The following RAPGEF3 variants were observed in gnomAD, a reference collection of about 807,000 sequenced individuals.
RAPGEF3 encodes the protein Rap guanine nucleotide exchange factor 3.
Under a neutral mutation model 129.8 loss-of-function variants are expected in RAPGEF3, and 103 were observed. The ratio of observed to expected loss-of-function variants is 0.79; its 90% confidence interval spans 0.68 to 0.93. The LOEUF (loss-of-function observed/expected upper bound fraction) is 0.93, where lower values mean the gene tolerates loss of function less well. RAPGEF3 is among the 40% of genes least tolerant of loss of function. The probability of loss-of-function intolerance (pLI) is 0.00; values close to 1 mark genes in which losing one functional copy is unlikely to be tolerated. For synonymous variants in RAPGEF3, 436 were observed against 482.6 expected (o/e 0.90, Z 1.26); for missense variants, 1,117 against 1,207.4 (o/e 0.93, Z 1.11).
chr12:47,751,471 G>A lies in RAPGEF3; in HGVS notation c.430C>T (p.Leu144Phe). The A allele has an allele frequency of 6.2e-7, 1 of 1,614,202 alleles. No individual in the cohort carries two copies. Among genetic ancestry groups the A allele is most frequent in the Non-Finnish European group, 8.5e-7 (1 of 1,180,022 alleles). Residue 144 changes from leucine to phenylalanine, a missense_variant, in exon 5 of 28, where the codon CTT (leucine) becomes TTT (phenylalanine). Physicochemically the swap from Leu to Phe is conservative, Grantham distance 22. Transcript: ENST00000449771. Reference sequence around the variant, plus strand: ...ACTTGGCTCCGGGAATGGACCCCAAGTCCCAGGGCCAAGATCCCATCCACC... The same window carrying A: ...ACTTGGCTCCGGGAATGGACCCCAAATCCCAGGGCCAAGATCCCATCCACC... The part of the protein sequence containing the change: ...ELVDGILALG[L>F]GVHSRSQVVG...
Position 47,751,213 on chromosome 12 carries a change from T to G in RAPGEF3, c.506A>C (p.Lys169Thr). The change falls in exon 6 of 28, where the codon AAA (lysine) becomes ACA (threonine). Residue 169 changes from lysine (K) to threonine (T), a missense_variant. Coordinates refer to ENST00000449771, the MANE Select transcript of RAPGEF3 (RefSeq NM_001098531.4). ...TCGGTCCTGGAAGGCCCAGTCGTGT[T>G]TCACTGGGGGGCAGAGGCCCAGGCG... ...LLDEGALCHV[K>T]HDWAFQDRDA... The G allele has an allele frequency of 1.3e-6, 2 of 1,550,084 alleles. No homozygotes were observed. The highest frequency in any genetic ancestry group is 1.7e-6 in the Non-Finnish European group (2 of 1,146,294).
chr12:47,743,735 G>GA, intron 17 of RAPGEF3, 59 bp from the exon 18 acceptor site: 1 of 1,574,788 alleles, frequency 6.4e-7, no homozygotes, highest in Admixed American at 1.7e-5. Flanking sequence ...CCCCAGGAGG[G>GA]AGAGGGCGGC....
In RAPGEF3 at chr12:47,749,215, T is replaced by C. The variant is rs1416331494; in HGVS notation, c.1041+175A>G. The stretch of plus-strand genomic sequence containing the variant: ...CTCACTGAACTCCTTCTGTGCCTTA[T>C]GGGCTTCACCTTCTCACACACACCC... On this transcript the variant is annotated intron_variant, in intron 10 of 27. Transcript: ENST00000449771. The surrounding 1 kb of genome is among the most constrained non-coding windows in gnomAD (Gnocchi z 4.5). The C allele has an allele frequency of 2.5e-6, 2 of 792,408 alleles. No homozygotes were observed. The highest frequency in any genetic ancestry group is 4.1e-6 in the Non-Finnish European group (2 of 486,538). The allele number at this position is 792,408 out of a possible 1,614,324, so 49.1% of individuals were successfully genotyped here.
intron 15 of RAPGEF3, among the ~76,000 whole-genome samples, chr12:47,747,265 T>G (rs778647294): frequency 1.3e-5 from 2 of 152,134 alleles, no homozygotes; most frequent in Non-Finnish European, 2.9e-5. Flanking sequence ...AAGCTGGCAC[T>G]GAGGGTATTT....
Position 47,751,473 on chromosome 12 carries a change from C to G in RAPGEF3, c.428G>C (p.Gly143Ala). 1 of 1,614,190 alleles carries G rather than the reference C, an allele frequency of 6.2e-7. No individual in the cohort carries two copies. The highest frequency in any genetic ancestry group is 8.5e-7 in the Non-Finnish European group (1 of 1,180,026). The change falls in exon 5 of 28, where the codon GGA becomes GCA. Residue 143 changes from glycine (G) to alanine (A), a missense_variant. Gly to Ala is a moderately conservative substitution (Grantham distance 60). This residue lies in a region of RAPGEF3 where 367 missense variants were observed against 373.4 expected (regional missense o/e 0.98). Transcript: ENST00000449771. ...TTGGCTCCGGGAATGGACCCCAAGT[C>G]CCAGGGCCAAGATCCCATCCACCAG... The part of the protein sequence containing the change: ...RELVDGILAL[G>A]LGVHSRSQVV...
rs1941451420 is a variant in RAPGEF3 at position 47,746,851 on chromosome 12, G to C, written c.1596+9C>G. The C allele has an allele frequency of 2.5e-6, 4 of 1,591,066 alleles. No homozygotes were observed. In the South Asian group the frequency reaches 3.5e-5, roughly 14 times the overall value. On this transcript the variant is annotated intron_variant, in intron 16 of 27. Coordinates refer to ENST00000449771, the MANE Select transcript of RAPGEF3 (RefSeq NM_001098531.4). ...GAGCAGAGGAAAGAAACTGGGGCCAGGCAGACACCTTCATCTGAGGAGATG... is the reference window on the plus strand; with the variant it reads ...GAGCAGAGGAAAGAAACTGGGGCCACGCAGACACCTTCATCTGAGGAGATG...
rs763034905 is a variant in RAPGEF3, at chr12:47,746,815, C to A, written c.1596+45G>T. 1.5e-5 allele frequency: 24 copies of A among 1,556,754 alleles called. 2 individuals are homozygous for A. The South Asian group carries it at 2.6e-4, about 17-fold the overall frequency. On this transcript the variant is annotated intron_variant, in intron 16 of 27. Coordinates refer to ENST00000449771, the MANE Select transcript of RAPGEF3 (RefSeq NM_001098531.4). The stretch of plus-strand genomic sequence containing the variant: ...GGTCAGGGGGCGAAGGAGGGGCCTG[C>A]AGTCCAGGAGGAGCAGAGGAAAGAA...
Position 47,736,283 on chromosome 12 carries a change from G to C in RAPGEF3, c.*1284C>G, listed in dbSNP as rs1940797406. The stretch of plus-strand genomic sequence containing the variant: ...CCTGTGTATCCACATCCATGGGGCT[G>C]AAGTGCAGAGGGGCCATACCAGCTG... On this transcript the variant is annotated 3_prime_UTR_variant, in exon 28 of 28. Transcript: ENST00000449771. The C allele has an allele frequency of 1.3e-5, 2 of 152,296 alleles. No individual in the cohort carries two copies. Among genetic ancestry groups the C allele is most frequent in the Admixed American group, 1.3e-4 (2 of 15,286 alleles). The allele number at this position is 152,296 out of a possible 1,614,324, so 9.4% of individuals were successfully genotyped here.
rs1337691920 is a variant in RAPGEF3 at position 47,746,501 on chromosome 12, A to C, written c.1596+359T>G. 5.0e-6 allele frequency: 3 copies of C among 598,368 alleles called. No individual in the cohort carries two copies. In the Admixed American group the frequency reaches 1.1e-4, roughly 21 times the overall value. 37.1% of individuals were successfully genotyped at this position (598,368 alleles called of 1,614,324 possible). A position where few individuals can be genotyped will look rare whatever the true frequency, so the allele number is the denominator to read the frequency against. ...CAGGGAGGGGCCTCGCCTTCCTCTG[A>C]GCTCCCACAGCACTGGCCACCAGGA... On this transcript the variant is annotated intron_variant, in intron 16 of 27. Coordinates refer to ENST00000449771, the MANE Select transcript of RAPGEF3 (RefSeq NM_001098531.4).
At position 47,740,926 on chromosome 12, in the gene RAPGEF3, T is replaced by G; in HGVS notation, c.2038A>C (p.Ser680Arg). ...LTDHDWSLFN[S>R]IHQVELIHYV... The stretch of plus-strand genomic sequence containing the variant: ...TCTGCCTCCCATACCTGGTGGATAC[T>G]GTTGAAGAGGCTCCAGTCGTGGTCC... Residue 680 changes from serine to arginine, a missense_variant, in exon 20 of 28, where the codon AGT (serine) becomes CGT (arginine). Ser to Arg is a moderately radical substitution (Grantham distance 110). Transcript: ENST00000449771. The G allele has an allele frequency of 6.2e-7, 1 of 1,614,058 alleles. No homozygotes were observed. Among genetic ancestry groups the G allele is most frequent in the Admixed American group, 1.7e-5 (1 of 60,028 alleles).
chr12:47,743,875 T>C, intron 17 of RAPGEF3, 112 bp downstream of exon 17: 1 of 1,371,428 alleles, frequency 7.3e-7, no homozygotes, highest in Non-Finnish European at 1.0e-6. Flanking sequence ...GAGTACAGCG[T>C]GCCACCTTGG....
chr12:47,757,291 C>G (rs750216794), intron 2 of RAPGEF3, among the ~76,000 whole-genome samples: 4 of 152,128 alleles, frequency 2.6e-5, no homozygotes, highest in Non-Finnish European at 5.9e-5. Context: ...TCTTTCAGGT[C>G]CAGAGATGTT....
chr12:47,743,410 A>G (rs764168542), intron 18 of RAPGEF3, 120 bp downstream of exon 18: 21 of 1,314,998 alleles, frequency 1.6e-5, no homozygotes, highest in Non-Finnish European at 2.0e-5. Context: ...AATGCTAGCC[A>G]TCATTCACAC....
chr12:47,738,613 A>T, intron 25 of RAPGEF3, 77 bp downstream of exon 25: 2 of 1,294,618 alleles, frequency 1.5e-6, no homozygotes, highest in Non-Finnish European at 2.2e-6. Context: ...GCTGCCTCCA[A>T]GCCCTGCCCC....
chr12:47,738,064 A>C lies in RAPGEF3; in HGVS notation c.2611T>G (p.Ser871Ala). The C allele has an allele frequency of 7.1e-7, 1 of 1,411,420 alleles. No homozygotes were observed. The highest frequency in any genetic ancestry group is 9.5e-7 in the Non-Finnish European group (1 of 1,052,898). 87.4% of individuals were successfully genotyped at this position (1,411,420 alleles called of 1,614,324 possible). The part of the protein sequence containing the change: ...VPLSPLRSRV[S>A]HLHEDSQVAR... Reference sequence around the variant, plus strand: ...ACCTGGCTGTCCTCGTGGAGGTGGGAAACTCGGCTTCTGAGTGGTGAGAGA... The same window carrying C: ...ACCTGGCTGTCCTCGTGGAGGTGGGCAACTCGGCTTCTGAGTGGTGAGAGA... Residue 871 changes from serine (S) to alanine (A), a missense_variant, in exon 27 of 28, where the codon TCC (serine) becomes GCC (alanine). By Grantham distance (99) the Ser-to-Ala change is moderately conservative (BLOSUM62 1). Around this residue, in one of 3 missense-constraint regions of RAPGEF3, gnomAD observed 643 missense variants for 673.4 expected, o/e 0.95. Transcript: ENST00000449771.
chr12:47,752,094 A>C (rs1265458697), intron 2 of RAPGEF3, 125 bp from the exon 3 acceptor site: 5 of 985,224 alleles, frequency 5.1e-6, no homozygotes, highest in African/African-American at 4.9e-5. Context: ...CCATGTGGCC[A>C]CTCCTTCAGC....
At chr12:47,741,649 CG>C (rs899749320) in intron 18 of RAPGEF3, 47 bp from the exon 19 acceptor site, 3 of 1,470,916 alleles carry the variant, frequency 2.0e-6, no homozygotes, top group Non-Finnish European at 9.5e-7. Flanking sequence ...GGAGGGAGGC[CG>C]GGGACCAGCT....
At position 47,750,480 on chromosome 12, in the gene RAPGEF3, A is replaced by G. The variant is rs903480633; in HGVS notation, c.672-55T>C. 9.3e-6 allele frequency: 14 copies of G among 1,498,452 alleles called. No individual in the cohort carries two copies. The South Asian group carries it at 1.7e-4, about 18-fold the overall frequency. The allele number at this position is 1,498,452 out of a possible 1,614,324, so 92.8% of individuals were successfully genotyped here. ...TGTGAACTGTGGGCCCGTCAGGTGC[A>G]GGGAGCCACTCCACCCACCCAGCCG... On this transcript the variant is annotated intron_variant, in intron 6 of 27. Transcript: ENST00000449771.
Position 47,758,808 on chromosome 12 carries a change from G to C in RAPGEF3, c.-252C>G, listed in dbSNP as rs1555193098. Reference sequence around the variant, plus strand: ...GACGCCACCCAGCCACCGGCGACAGGGAGCCCCGAGCCTGCGCCTTCGTCT... The same window carrying C: ...GACGCCACCCAGCCACCGGCGACAGCGAGCCCCGAGCCTGCGCCTTCGTCT... On this transcript the variant is annotated 5_prime_UTR_variant, in exon 1 of 28. Transcript: ENST00000449771. 1 of 1,234,514 alleles carries C rather than the reference G, an allele frequency of 8.1e-7. No homozygotes were observed. The highest frequency in any genetic ancestry group is 1.6e-5 in the African/African-American group (1 of 64,480). The allele number at this position is 1,234,514 out of a possible 1,614,324, so 76.5% of individuals were successfully genotyped here.
Sources: gnomAD v4.1 joint callset for allele counts (sites outside exome capture counted in the v4.1 genomes callset) on GRCh38, gnomAD v4.1.1 for gene constraint, gnomAD v4.1.1 regional missense constraint, Gnocchi (gnomAD v3.1) non-coding constraint, MANE v1.5 for transcripts, NCBI Gene and HGNC (gene_info 2026-07-23, HGNC 2026-07-21) for gene names.